The following SDK1 variants were observed in gnomAD, a reference collection of about 807,000 sequenced individuals.
SDK1 encodes protein sidekick-1.
In SDK1, 157 loss-of-function variants were observed where a neutral mutation model predicts 245.5. That is an observed-to-expected ratio of 0.64 (90% CI 0.56 to 0.73). The LOEUF (loss-of-function observed/expected upper bound fraction) is 0.73, where lower values mean the gene tolerates loss of function less well. SDK1 is among the 30% of genes least tolerant of loss of function. SDK1 has a pLI of 0.00. For synonymous variants in SDK1, 1,647 were observed against 1,278.5 expected (o/e 1.29, Z -6.15); for missense variants, 3,583 against 3,002.3 (o/e 1.19, Z -4.52).
At chr7:3,949,271 C>T (rs754044658) in intron 5 of SDK1, among the ~76,000 whole-genome samples, 2 of 152,218 alleles carry the variant, frequency 1.3e-5, no homozygotes, top group Admixed American at 6.5e-5. Flanking sequence ...GATTTTAAAA[C>T]ATTCATTACT....
intron 27 of SDK1, 159 bp downstream of exon 27, chr7:4,130,256 A>C: frequency 1.3e-6 from 1 of 773,346 alleles, no homozygotes; most frequent in Non-Finnish European, 2.0e-6. Flanking sequence ...GTCACTGAGC[A>C]CTTATATGGC....
At chr7:3,749,408 C>G (rs1583371923) in intron 4 of SDK1, among the ~76,000 whole-genome samples, 1 of 152,070 alleles carries the variant, frequency 6.6e-6, no homozygotes, top group Admixed American at 6.6e-5. Context: ...CAAGCAATTC[C>G]CCTGCCTCAG....
At chr7:3,510,684 A>G (rs370295189) in intron 1 of SDK1, among the ~76,000 whole-genome samples, 1 of 152,136 alleles carries the variant, frequency 6.6e-6, no homozygotes, top group Non-Finnish European at 1.5e-5. Flanking sequence ...TGGTCTTATT[A>G]TACAGATGAA....
chr7:4,133,808 G>A (rs886790290), intron 28 of SDK1, among the ~76,000 whole-genome samples: 1 of 152,136 alleles, frequency 6.6e-6, no homozygotes, highest in African/African-American at 2.4e-5. Context: ...GTTAGCTCTC[G>A]GGATATTGCC....
chr7:3,953,185 G>T (rs1400085948), intron 7 of SDK1, among the ~76,000 whole-genome samples: 7 of 142,336 alleles, frequency 4.9e-5, no homozygotes, highest in Non-Finnish European at 9.3e-5. Context: ...AAAAAAAAAA[G>T]CTTGTGTTTT....
chr7:3,602,755 C>T (rs1458893077), intron 1 of SDK1, among the ~76,000 whole-genome samples: 2 of 152,112 alleles, frequency 1.3e-5, no homozygotes, highest in Non-Finnish European at 2.9e-5. Flanking sequence ...CTTGCCTGTG[C>T]CTATGTCCTC....
chr7:4,013,677 T>C (rs1438080461), intron 16 of SDK1, among the ~76,000 whole-genome samples: 1 of 152,254 alleles, frequency 6.6e-6, no homozygotes, highest in African/African-American at 2.4e-5. Context: ...AAAACCAATT[T>C]GCCGCTGTTT....
intron 4 of SDK1, among the ~76,000 whole-genome samples, chr7:3,782,821 A>T (rs1780785119): frequency 6.6e-6 from 1 of 152,242 alleles, no homozygotes; most frequent in African/African-American, 2.4e-5. Flanking sequence ...GAAAAATTCT[A>T]AGTTGAACTT....
chr7:3,985,472 T>C (rs1405805512), intron 13 of SDK1, among the ~76,000 whole-genome samples: 2 of 152,142 alleles, frequency 1.3e-5, no homozygotes, highest in African/African-American at 4.8e-5. Flanking sequence ...GGAGATTCGG[T>C]TATTGGAGAA....
intron 5 of SDK1, among the ~76,000 whole-genome samples, chr7:3,926,594 G>C (rs1015678450): frequency 1.3e-5 from 2 of 152,062 alleles, no homozygotes; most frequent in African/African-American, 4.8e-5. Flanking sequence ...CCCCAGGCTG[G>C]TCTCGAACTC....
chr7:4,248,710 A>C (rs934191798), intron 44 of SDK1, among the ~76,000 whole-genome samples: 2 of 152,164 alleles, frequency 1.3e-5, no homozygotes, highest in Non-Finnish European at 2.9e-5. Flanking sequence ...ACACATGTAC[A>C]CACACGCACA....
chr7:3,744,290 G>T (rs942581167), intron 4 of SDK1, among the ~76,000 whole-genome samples: 2 of 151,600 alleles, frequency 1.3e-5, no homozygotes, highest in Admixed American at 6.6e-5. Flanking sequence ...TTGACTTTCT[G>T]CATAGCACGT....
Position 3,478,077 on chromosome 7 carries a change from C to G in SDK1, c.299-141003C>G, listed in dbSNP as rs558959113. 6.6e-5 allele frequency among the ~76,000 whole-genome samples: 10 copies of G among 152,214 alleles called. No individual in the cohort carries two copies. In the South Asian group the frequency reaches 1.9e-3, roughly 28 times the overall value. ...TTGGTGAATTTTCTGTTTTGTTCCA[C>G]TAATCTGTCTTTAAATCACTGTATC... On this transcript the variant is annotated intron_variant, in intron 1 of 44. Transcript: ENST00000404826.
At chr7:4,208,855 C>G (rs944273565) in intron 37 of SDK1, among the ~76,000 whole-genome samples, 1 of 152,224 alleles carries the variant, frequency 6.6e-6, no homozygotes, top group African/African-American at 2.4e-5. Flanking sequence ...AGCGCCTGTT[C>G]TCAGTCGACC....
At chr7:3,737,770 C>T (rs964729939) in intron 4 of SDK1, among the ~76,000 whole-genome samples, 3 of 152,218 alleles carry the variant, frequency 2.0e-5, no homozygotes, top group Non-Finnish European at 2.9e-5. Context: ...AAGTACCCTG[C>T]AATGCTAGGG....
At chr7:3,338,000 G>T in intron 1 of SDK1, 1 of 155,644 alleles carries the variant, frequency 6.4e-6, no homozygotes, top group Non-Finnish European at 1.4e-5. Context: ...AGTTATATTT[G>T]GTTGAAGCAA....
At chr7:3,904,882 A>T (rs1019799086) in intron 5 of SDK1, among the ~76,000 whole-genome samples, 2 of 151,460 alleles carry the variant, frequency 1.3e-5, no homozygotes, top group African/African-American at 4.9e-5. Flanking sequence ...AGTCCCAGCT[A>T]CTCGGGAGAC....
chr7:4,262,368 A>C (rs1788072756), intron 44 of SDK1, among the ~76,000 whole-genome samples: 1 of 151,890 alleles, frequency 6.6e-6, no homozygotes, highest in South Asian at 2.1e-4. Flanking sequence ...ATCAAACCGA[A>C]AGACCATAAA....
At chr7:3,393,474 A>G (rs76489290) in intron 1 of SDK1, among the ~76,000 whole-genome samples, 1 of 152,124 alleles carries the variant, frequency 6.6e-6, no homozygotes, top group Admixed American at 6.5e-5. Flanking sequence ...TCCTATAGCT[A>G]TGTGAAGTGG....
Sources: allele counts gnomAD v4.1 joint callset (sites outside exome capture counted in the v4.1 genomes callset), GRCh38; gene constraint gnomAD v4.1.1; transcripts MANE v1.5; gene names NCBI Gene and HGNC (gene_info 2026-07-23, HGNC 2026-07-21).